BIRC3: variants seen among roughly 807,000 people sequenced by gnomAD.
BIRC3 encodes the protein baculoviral IAP repeat containing 3.
Under a neutral mutation model 59.0 loss-of-function variants are expected in BIRC3, and 26 were observed. The observed-to-expected ratio is 0.44, with a 90% CI of 0.32 to 0.61. The LOEUF is 0.61. Among genes scored for constraint, BIRC3 ranks in the 20% least tolerant of loss-of-function variants. The pLI is 0.04. For missense variants in BIRC3, 641 were observed against 711.5 expected (o/e 0.90, Z 1.13); for synonymous variants, 243 against 249.2 (o/e 0.98, Z 0.24).
At chr11:102,330,129 C>T (rs1455756900) in intron 5 of BIRC3, among the ~76,000 whole-genome samples, 1 of 152,072 alleles carries the variant, frequency 6.6e-6, no homozygotes, top group African/African-American at 2.4e-5. Context: ...AAAGGAAGTA[C>T]TTGTCTTAGC....
intron 1 of BIRC3, among the ~76,000 whole-genome samples, chr11:102,319,050 T>A (rs1951003520): frequency 6.6e-6 from 1 of 150,540 alleles, no homozygotes; most frequent in African/African-American, 2.4e-5. Context: ...AGGATTTTTT[T>A]TTTTTTTTTT....
chr11:102,318,133 T>C, intron 1 of BIRC3, among the ~76,000 whole-genome samples: 1 of 152,228 alleles, frequency 6.6e-6, no homozygotes, highest in East Asian at 1.9e-4. Context: ...TGCTATTATT[T>C]ATTGCTAACA....
At chr11:102,327,602 TGC>T (rs1951096945) in intron 3 of BIRC3, among the ~76,000 whole-genome samples, 1 of 151,888 alleles carries the variant, frequency 6.6e-6, no homozygotes, top group Non-Finnish European at 1.5e-5. Context: ...ATCATCCCAC[TGC>T]CCTCCAGCCT....
At position 102,324,793 on chromosome 11, in the gene BIRC3, T is replaced by C; in HGVS notation, c.284T>C (p.Phe95Ser). Residue 95 changes from phenylalanine to serine, a missense_variant, in exon 2 of 9, where the codon TTC becomes TCC. Phe to Ser is a radical substitution (Grantham distance 155, BLOSUM62 -2). Coordinates refer to ENST00000263464, the MANE Select transcript of BIRC3 (RefSeq NM_001165.5). ...KHKKLYPSCR[F>S]VQSLNSVNNL... ...AAAAAGTTGTATCCTAGCTGCAGAT[T>C]CGTTCAGAGTCTAAATTCCGTTAAC... 1 of 1,614,214 alleles carries C rather than the reference T, an allele frequency of 6.2e-7. No individual in the cohort carries two copies. Among genetic ancestry groups the C allele is most frequent in the Non-Finnish European group, 8.5e-7 (1 of 1,180,016 alleles).
intron 6 of BIRC3, among the ~76,000 whole-genome samples, chr11:102,333,509 A>G (rs1392749219): frequency 6.6e-6 from 1 of 151,720 alleles, no homozygotes; most frequent in Admixed American, 6.6e-5. Context: ...TGAGGCTGCA[A>G]TGAGCTATGA....
chr11:102,324,306 C>T lies in BIRC3; in HGVS notation c.-204C>T, dbSNP rs1951059718. ...TATGTATAAAGATTATACAAAGGTG[C>T]AATTGTGTATTTCTTCCTTAAAATG... is the stretch of plus-strand genomic sequence containing the variant. On this transcript the variant is annotated 5_prime_UTR_variant, in exon 2 of 9. The change creates a premature stop within an existing upstream ORF in the 5' untranslated region. Transcript: ENST00000263464. The T allele has an allele frequency of 2.0e-6, 1 of 506,632 alleles. No individual in the cohort carries two copies. The highest frequency in any genetic ancestry group is 1.9e-5 in the African/African-American group (1 of 51,284). 31.4% of individuals were successfully genotyped at this position (506,632 alleles called of 1,614,324 possible).
rs1297259092 is a variant in BIRC3 at position 102,323,317 on chromosome 11, A to G, written c.-1193A>G. ...TTCTGTTTTTCCAAAAGTAACCTGA[A>G]TATAGCAATGAAGTTCAGTTTTGTT... On this transcript the variant is annotated 5_prime_UTR_variant, in exon 2 of 9. Transcript: ENST00000263464. The G allele has an allele frequency of 4.1e-5, 8 of 193,520 alleles. No individual in the cohort carries two copies. Among genetic ancestry groups the G allele is most frequent in the Non-Finnish European group, 7.5e-5 (7 of 92,746 alleles). The allele number at this position is 193,520 out of a possible 1,614,324, so 12.0% of individuals were successfully genotyped here. A position where few individuals can be genotyped will look rare whatever the true frequency, so the allele number is the denominator to read the frequency against.
rs1260698483 is a variant in BIRC3, at chr11:102,325,076, G to C, written c.567G>C (p.Leu189=). 1 of 1,614,114 alleles carries C rather than the reference G, an allele frequency of 6.2e-7. No homozygotes were observed. Among genetic ancestry groups the C allele is most frequent in the Non-Finnish European group, 8.5e-7 (1 of 1,180,006 alleles). The change falls in exon 2 of 9, where the codon CTG becomes CTC. Residue 189 remains leucine (L), a synonymous_variant. Coordinates refer to ENST00000263464, the MANE Select transcript of BIRC3 (RefSeq NM_001165.5). ...TGACTTTTCTGTCGCCAACAGATCT[G>C]GCAAAAGCAGGCTTTTACTACATAG... The part of the protein sequence containing the change: ...WPLTFLSPTD[L]AKAGFYYIGP...
In BIRC3 at chr11:102,321,963, T is replaced by A. The variant is rs1346399788; in HGVS notation, c.-2547T>A. The A allele has an allele frequency of 5.2e-6, 1 of 191,390 alleles. No homozygotes were observed. The highest frequency in any genetic ancestry group is 1.1e-5 in the Non-Finnish European group (1 of 91,306). 11.9% of individuals were successfully genotyped at this position (191,390 alleles called of 1,614,324 possible). Reference sequence around the variant, plus strand: ...AGTCTAATCTCGGGAGGTAGTTTTGTGCATGGGTAAACAAATTAAGTATTA... The same window carrying A: ...AGTCTAATCTCGGGAGGTAGTTTTGAGCATGGGTAAACAAATTAAGTATTA... On this transcript the variant is annotated 5_prime_UTR_variant, in exon 2 of 9. Coordinates refer to ENST00000263464, the MANE Select transcript of BIRC3 (RefSeq NM_001165.5).
Position 102,324,680 on chromosome 11 carries a change from C to T in BIRC3, c.171C>T (p.Tyr57=). 1.9e-6 allele frequency: 3 copies of T among 1,614,162 alleles called. No homozygotes were observed. The highest frequency in any genetic ancestry group is 2.5e-6 in the Non-Finnish European group (3 of 1,180,020). ...ERSLARAGFY[Y]TGVNDKVKCF... is the part of the protein sequence containing the mutation. ...GTCTTGCTCGTGCTGGTTTCTATTA[C>T]ACTGGTGTGAATGACAAGGTCAAAT... The change falls in exon 2 of 9, where the codon TAC becomes TAT. Residue 57 remains tyrosine (Y), a synonymous_variant. Coordinates refer to ENST00000263464, the MANE Select transcript of BIRC3 (RefSeq NM_001165.5).
chr11:102,328,021 T>A (rs1446198219), intron 3 of BIRC3, 31 bp from the exon 4 acceptor site: 2 of 1,509,298 alleles, frequency 1.3e-6, no homozygotes, highest in Admixed American at 1.8e-5. Flanking sequence ...GTATAAATAA[T>A]CCCTCAAATT....
rs1346156673 is a variant in BIRC3, at chr11:102,324,935, A to G, written c.426A>G (p.Pro142=). 65 of 1,614,040 alleles carry G rather than the reference A, an allele frequency of 4.0e-5. No homozygotes were observed. Among genetic ancestry groups the G allele is most frequent in the Non-Finnish European group, 5.3e-5 (62 of 1,180,034 alleles). Residue 142 remains proline (P), a synonymous_variant, in exon 2 of 9, where the codon CCA becomes CCG. Coordinates refer to ENST00000263464, the MANE Select transcript of BIRC3 (RefSeq NM_001165.5). The part of the protein sequence containing the change: ...GYFRGSYSNS[P]SNPVNSRANQ... ...TCCGTGGCTCTTATTCAAACTCTCC[A>G]TCAAATCCTGTAAACTCCAGAGCAA...
At chr11:102,333,651 T>C (rs1294311808) in intron 6 of BIRC3, among the ~76,000 whole-genome samples, 2 of 151,102 alleles carry the variant, frequency 1.3e-5, no homozygotes, top group African/African-American at 4.9e-5. Context: ...GAGGCTCAGG[T>C]ACAAAAATAG....
rs192973907 is a variant in BIRC3, at chr11:102,322,477, C to A, written c.-2033C>A. On this transcript the variant is annotated 5_prime_UTR_variant, in exon 2 of 9. An upstream open reading frame in the 5' UTR gains an earlier in-frame stop. Coordinates refer to ENST00000263464, the MANE Select transcript of BIRC3 (RefSeq NM_001165.5). ...AAAAGTTTGTTTAAATGGGCTGTTA[C>A]CGCTGAGAATGATGAGGATGAGAAT... 39 of 205,326 alleles carry A rather than the reference C, an allele frequency of 1.9e-4. No individual in the cohort carries two copies. The highest frequency in any genetic ancestry group is 3.5e-4 in the Non-Finnish European group (35 of 100,502). The allele number at this position is 205,326 out of a possible 1,614,324, so 12.7% of individuals were successfully genotyped here.
chr11:102,330,369 C>A (rs1414229795), intron 5 of BIRC3, among the ~76,000 whole-genome samples: 2 of 152,160 alleles, frequency 1.3e-5, no homozygotes, highest in Admixed American at 6.5e-5. Flanking sequence ...GACACTAGAG[C>A]CATCAGTTTG....
chr11:102,327,982 AT>A, intron 3 of BIRC3, 69 bp from the exon 4 acceptor site: 1 of 1,267,980 alleles, frequency 7.9e-7, no homozygotes. Context: ...GAGATGAGAA[AT>A]TTATGTTATT....
chr11:102,330,070 T>G (rs1237680889), intron 5 of BIRC3, among the ~76,000 whole-genome samples: 1 of 151,434 alleles, frequency 6.6e-6, no homozygotes, highest in East Asian at 1.9e-4. Context: ...AATATGAGAG[T>G]GCATATAGGA....
intron 6 of BIRC3, among the ~76,000 whole-genome samples, chr11:102,331,787 C>T (rs1951144699): frequency 2.0e-5 from 3 of 152,018 alleles, no homozygotes; most frequent in South Asian, 2.1e-4. Context: ...ATTACAGGCA[C>T]CTGCCACCAT....
intron 1 of BIRC3, chr11:102,319,736 T>A (rs1203466339): frequency 6.6e-6 from 1 of 152,414 alleles, no homozygotes; most frequent in East Asian, 1.9e-4. Flanking sequence ...CTGAGCCTAT[T>A]GCTAAGGGAT....
Sources: allele counts gnomAD v4.1 joint callset (sites outside exome capture counted in the v4.1 genomes callset), GRCh38; gene constraint gnomAD v4.1.1; transcripts MANE v1.5; gene names NCBI Gene and HGNC (gene_info 2026-07-23, HGNC 2026-07-21).